The following DOK3 variants were observed in gnomAD, a reference collection of about 807,000 sequenced individuals.
The protein encoded by DOK3 is Dok-like protein.
In DOK3, 23 loss-of-function variants were observed where a neutral mutation model predicts 26.2. The observed-to-expected ratio is 0.88, with a 90% CI of 0.63 to 1.24. DOK3 has a LOEUF of 1.24. DOK3 is among the 50% of genes most tolerant of loss of function. DOK3 has a pLI of 0.00. For synonymous variants in DOK3, 268 were observed against 268.2 expected (o/e 1.00, Z 0.01); for missense variants, 619 against 610.6 (o/e 1.01, Z -0.15).
At chr5:177,506,938 G>A (rs947382131) in intron 3 of DOK3, among the ~76,000 whole-genome samples, 3 of 151,940 alleles carry the variant, frequency 2.0e-5, no homozygotes, top group South Asian at 2.1e-4. Context: ...CGCCCGCCTC[G>A]GCCTCCCAAA....
chr5:177,509,910 T>G, upstream of DOK3: 1 of 1,597,160 alleles, frequency 6.3e-7, no homozygotes, highest in Non-Finnish European at 8.5e-7. Context: ...GGCCTGACAC[T>G]CCCTGGCCCT....
rs751788093 is a variant in DOK3 at position 177,504,834 on chromosome 5, C to A, written c.554G>T (p.Gly185Val). The A allele has an allele frequency of 8.7e-6, 14 of 1,613,264 alleles. No homozygotes were observed. Among genetic ancestry groups the A allele is most frequent in the Middle Eastern group, 3.3e-4 (2 of 6,072 alleles). The change falls in exon 5 of 6, where the codon GGC becomes GTC. Residue 185 changes from glycine (G) to valine (V), a missense_variant. Coordinates refer to ENST00000510898, the MANE Select transcript of DOK3 (RefSeq NM_001308236.3). ...QLKGPALLVL[G>V]PDAIQLREAK... ...CTCCCTCAGCTGGATGGCGTCTGGG[C>A]CCAGCACCAGCAGGGCCGGCCCCTT...
Position 177,509,570 on chromosome 5 carries a change from C to A in DOK3, c.-30G>T, listed in dbSNP as rs1349707990. On this transcript the variant is annotated 5_prime_UTR_variant, in exon 2 of 6. Transcript: ENST00000510898. ...ACGGCCAGGAGCAGGGCCGCCGCTT[C>A]AAGACCTGGGGAGACTGATGACAGG... 1 of 1,609,446 alleles carries A rather than the reference C, an allele frequency of 6.2e-7. No homozygotes were observed. Among genetic ancestry groups the A allele is most frequent in the East Asian group, 2.2e-5 (1 of 44,888 alleles).
chr5:177,505,886 G>C (rs997706277), intron 3 of DOK3, among the ~76,000 whole-genome samples: 1 of 150,648 alleles, frequency 6.6e-6, no homozygotes, highest in East Asian at 2.0e-4. Context: ...ACAGGTGCCC[G>C]CCACCAGGCC....
Position 177,504,924 on chromosome 5 carries a change from G to T in DOK3, c.473-9C>A, listed in dbSNP as rs1279645906. Reference sequence around the variant, plus strand: ...CACGGGAAACTCGCCCACTGTGGCAGGTGGCCAGGACAGCTCCGTCAGTCC... The same window carrying T: ...CACGGGAAACTCGCCCACTGTGGCATGTGGCCAGGACAGCTCCGTCAGTCC... On this transcript the variant is annotated splice_polypyrimidine_tract_variant and intron_variant, in intron 4 of 5. Coordinates refer to ENST00000510898, the MANE Select transcript of DOK3 (RefSeq NM_001308236.3). 1.3e-6 allele frequency: 2 copies of T among 1,582,266 alleles called. No homozygotes were observed. Among genetic ancestry groups the T allele is most frequent in the African/African-American group, 1.3e-5 (1 of 74,272 alleles).
upstream of DOK3, chr5:177,510,168 G>T: frequency 2.0e-6 from 1 of 509,414 alleles, no homozygotes; most frequent in Non-Finnish European, 3.5e-6. Flanking sequence ...CCCCTTCCTG[G>T]GGTGCAGCCC....
At chr5:177,507,166 A>T (rs1361448388) in intron 3 of DOK3, among the ~76,000 whole-genome samples, 1 of 151,014 alleles carries the variant, frequency 6.6e-6, no homozygotes. Flanking sequence ...CCTTGTCTGT[A>T]CATTTCTTTC....
At chr5:177,509,367 C>A in intron 2 of DOK3, 108 bp downstream of exon 2, 1 of 1,452,472 alleles carries the variant, frequency 6.9e-7, no homozygotes, top group Non-Finnish European at 9.2e-7. Flanking sequence ...CCCTGACTCC[C>A]TTCCCAAGTC....
chr5:177,505,797 C>T (rs547933096), intron 3 of DOK3, among the ~76,000 whole-genome samples: 28 of 151,850 alleles, frequency 1.8e-4, no homozygotes, highest in Admixed American at 1.0e-3. Flanking sequence ...AGTGCAGTGG[C>T]GCGATCTTGG....
chr5:177,509,628 G>A lies in DOK3; in HGVS notation c.-88C>T. The stretch of plus-strand genomic sequence containing the variant: ...GGAACTCCTCACACTTCCCCTTCTG[G>A]CCACTTCCCGTCCCTCCGTCTAGAG... On this transcript the variant is annotated 5_prime_UTR_variant, in exon 2 of 6. Transcript: ENST00000510898. 2 of 1,590,372 alleles carry A rather than the reference G, an allele frequency of 1.3e-6. No individual in the cohort carries two copies. Among genetic ancestry groups the A allele is most frequent in the Non-Finnish European group, 8.6e-7 (1 of 1,166,456 alleles).
At chr5:177,505,878 A>G (rs1760082467) in intron 3 of DOK3, among the ~76,000 whole-genome samples, 2 of 152,174 alleles carry the variant, frequency 1.3e-5, no homozygotes, top group Admixed American at 1.3e-4. Flanking sequence ...CTGGGACTAC[A>G]GGTGCCCGCC....
Position 177,504,742 on chromosome 5 carries a change from C to A in DOK3, c.645+1G>T. On this transcript the variant is annotated splice_donor_variant, in intron 5 of 5. Transcript: ENST00000510898. LOFTEE classifies it high-confidence loss of function. The stretch of plus-strand genomic sequence containing the variant: ...CACCCTTTCCCACCCCTGCACCTCA[C>A]CTTGTCGGAGCCGAACTTGCGCAGG... 6.2e-7 allele frequency: 1 copy of A among 1,614,042 alleles called. No individual in the cohort carries two copies. Among genetic ancestry groups the A allele is most frequent in the Non-Finnish European group, 8.5e-7 (1 of 1,179,944 alleles).
At position 177,502,830 on chromosome 5, in the gene DOK3, AC is replaced by A. The variant is rs1434997559; in HGVS notation, c.*1152del. 3.6e-6 allele frequency: 2 copies of A among 550,152 alleles called. No homozygotes were observed. The highest frequency in any genetic ancestry group is 3.8e-5 in the African/African-American group (2 of 53,258). 34.1% of individuals were successfully genotyped at this position (550,152 alleles called of 1,614,324 possible). Reference sequence around the variant, plus strand: ...GACTTTGCCAGACCAGTAAGATGAAACGAGAGAGAACAGGGGGAAGGGACTA... The same window carrying A: ...GACTTTGCCAGACCAGTAAGATGAAAGAGAGAGAACAGGGGGAAGGGACTA... On this transcript the variant is annotated 3_prime_UTR_variant, in exon 6 of 6. Transcript: ENST00000510898.
intron 1 of DOK3, 30 bp from the exon 2 acceptor site, chr5:177,509,687 T>TCAG: frequency 2.5e-6 from 4 of 1,599,282 alleles, no homozygotes; most frequent in Non-Finnish European, 3.4e-6. Flanking sequence ...GAGCCTGTCT[T>TCAG]CAGCTCAGGG....
intron 3 of DOK3, among the ~76,000 whole-genome samples, chr5:177,505,497 CA>C (rs112936489): frequency 2.6e-5 from 4 of 152,312 alleles, no homozygotes; most frequent in African/African-American, 9.6e-5. Flanking sequence ...AAGGTGCCCC[CA>C]ATCTCTGCCT....
In DOK3 at chr5:177,504,573, T is replaced by A. The variant is rs1209477211; in HGVS notation, c.733A>T (p.Arg245Trp). Residue 245 changes from arginine (R) to tryptophan (W), a missense_variant, in exon 6 of 6, where the codon AGG becomes TGG. Physicochemically the swap from Arg to Trp is moderately radical, Grantham distance 101. Transcript: ENST00000510898. The part of the protein sequence containing the change: ...FSTPCAPDLC[R>W]AVAGAIARQR... ...CGGGCGATGGCCCCGGCCACAGCCC[T>A]GCACAGGTCAGGGGCACAGGGGGTG... is the stretch of plus-strand genomic sequence containing the variant. 6.2e-7 allele frequency: 1 copy of A among 1,603,924 alleles called. No homozygotes were observed. The highest frequency in any genetic ancestry group is 8.5e-7 in the Non-Finnish European group (1 of 1,176,804).
At chr5:177,508,612 A>C (rs942236202) in intron 2 of DOK3, 70 bp from the exon 3 acceptor site, 1 of 1,424,246 alleles carries the variant, frequency 7.0e-7, no homozygotes, top group African/African-American at 1.4e-5. Flanking sequence ...GCTCAGCACA[A>C]GCTGCTCGGC....
rs1262169134 is a variant in DOK3, at chr5:177,505,082, G to C, written c.401C>G (p.Thr134Arg). 6.8e-6 allele frequency: 11 copies of C among 1,612,120 alleles called. No homozygotes were observed. The highest frequency in any genetic ancestry group is 9.3e-6 in the Non-Finnish European group (11 of 1,179,302). The change falls in exon 4 of 6, where the codon ACA becomes AGA. Residue 134 changes from threonine to arginine, a missense_variant. Transcript: ENST00000510898. ...GCCCCTCTTGGGAGACTGGGCATCTGTGGATCCTGAGGAGGCCTCCCCTGT... is the reference window on the plus strand; with the variant it reads ...GCCCCTCTTGGGAGACTGGGCATCTCTGGATCCTGAGGAGGCCTCCCCTGT... Reference protein sequence around the residue: ...PGTGEASSGSTDAQSPKRGLV... With the variant: ...PGTGEASSGSRDAQSPKRGLV...
At chr5:177,508,638 GGA>G (rs1760560986) in intron 2 of DOK3, 96 bp from the exon 3 acceptor site, 2 of 1,347,812 alleles carry the variant, frequency 1.5e-6, no homozygotes, top group Middle Eastern at 2.7e-4. Flanking sequence ...CTCCCAGCCA[GGA>G]GCGGGCCTCT....
Sources: allele counts gnomAD v4.1 joint callset (sites outside exome capture counted in the v4.1 genomes callset), GRCh38; gene constraint gnomAD v4.1.1; transcripts MANE v1.5; gene names NCBI Gene and HGNC (gene_info 2026-07-23, HGNC 2026-07-21).